ST3GAL3: variants seen among roughly 807,000 people sequenced by gnomAD.
The protein encoded by ST3GAL3 is ST3 beta-galactoside alpha-2,3-sialyltransferase 3.
A neutral mutation model predicts 50.1 loss-of-function variants in ST3GAL3; 21 were observed. The ratio of observed to expected loss-of-function variants is 0.42; its 90% CI spans 0.30 to 0.60. The LOEUF (loss-of-function observed/expected upper bound fraction) is 0.60. Ranked by LOEUF, ST3GAL3 falls within the 20% of genes least tolerant of loss-of-function variation. The pLI, the probability that ST3GAL3 is intolerant of heterozygous loss-of-function variation, is 0.19. For missense variants in ST3GAL3, 353 were observed against 489.4 expected, an observed-to-expected ratio of 0.72 and a Z score of 2.63; for synonymous variants, 183 against 190.0, an observed-to-expected ratio of 0.96 and a Z score of 0.30.
At chr1:43,861,633 C>A (rs923255802) in intron 5 of ST3GAL3, among the ~76,000 whole-genome samples, 1 of 152,110 alleles carries the variant, frequency 6.6e-6, no homozygotes, top group Non-Finnish European at 1.5e-5. Context: ...GTGCCGTAAC[C>A]CCTACATGCC....
chr1:43,748,202 A>G (rs1684603453), intron 2 of ST3GAL3, among the ~76,000 whole-genome samples: 2 of 152,162 alleles, frequency 1.3e-5, no homozygotes, highest in Non-Finnish European at 2.9e-5. Context: ...CTGGAAGCAC[A>G]CAAATAGAAA....
chr1:43,881,735 C>T (rs2075168915), intron 5 of ST3GAL3, among the ~76,000 whole-genome samples: 1 of 152,048 alleles, frequency 6.6e-6, no homozygotes, highest in African/African-American at 2.4e-5. Flanking sequence ...ACGGATGTGG[C>T]CACAGTTCCT....
intron 5 of ST3GAL3, among the ~76,000 whole-genome samples, chr1:43,845,219 G>A (rs1407498400): frequency 6.6e-6 from 1 of 152,114 alleles, no homozygotes; most frequent in African/African-American, 2.4e-5. Context: ...CTGGCCTCCA[G>A]TGATCTACTG....
At chr1:43,905,899 A>C (rs1436422422) in intron 9 of ST3GAL3, among the ~76,000 whole-genome samples, 634 of 37,492 alleles carry the variant, frequency 0.017, no homozygotes, top group Admixed American at 0.021. Flanking sequence ...ACTTTTCTTC[A>C]CCTCCTCCTG....
intron 2 of ST3GAL3, among the ~76,000 whole-genome samples, chr1:43,740,843 A>T (rs1465090300): frequency 6.8e-6 from 1 of 147,486 alleles, no homozygotes; most frequent in Non-Finnish European, 1.5e-5. Flanking sequence ...AGAGAAAGAG[A>T]AGGAGAGAGG....
At chr1:43,873,689 G>A (rs1026634045) in intron 5 of ST3GAL3, among the ~76,000 whole-genome samples, 1 of 152,126 alleles carries the variant, frequency 6.6e-6, no homozygotes, top group Non-Finnish European at 1.5e-5. Context: ...GGAGGCTGAG[G>A]CAGAAGAATC....
At chr1:43,743,503 C>T in intron 2 of ST3GAL3, 1 of 425,476 alleles carries the variant, frequency 2.4e-6, no homozygotes, top group South Asian at 1.7e-5. Context: ...GGTGGTGGGG[C>T]AGATTGGTTC....
intron 3 of ST3GAL3, among the ~76,000 whole-genome samples, chr1:43,799,026 G>C (rs998518345): frequency 1.3e-5 from 2 of 152,184 alleles, no homozygotes; most frequent in African/African-American, 4.8e-5. Flanking sequence ...TGACACAGAC[G>C]ATGTCGAGGA....
chr1:43,925,440 G>A (rs1043223987), intron 11 of ST3GAL3, among the ~76,000 whole-genome samples: 4 of 152,118 alleles, frequency 2.6e-5, no homozygotes, highest in South Asian at 2.1e-4. Flanking sequence ...GGAAAGGACC[G>A]GATGTGATCA....
At chr1:43,721,799 C>G (rs1486944347) in intron 1 of ST3GAL3, among the ~76,000 whole-genome samples, 17 of 152,062 alleles carry the variant, frequency 1.1e-4, no homozygotes, top group Admixed American at 1.1e-3. Context: ...CAGGGTTTCA[C>G]CATGTTGGTC....
intron 2 of ST3GAL3, among the ~76,000 whole-genome samples, chr1:43,785,015 C>T (rs1363452771): frequency 6.6e-6 from 1 of 152,106 alleles, no homozygotes; most frequent in Non-Finnish European, 1.5e-5. Flanking sequence ...TGTTTTTTCT[C>T]CTCAGACTTT....
chr1:43,872,790 G>A (rs992241688), intron 5 of ST3GAL3, among the ~76,000 whole-genome samples: 3 of 152,154 alleles, frequency 2.0e-5, no homozygotes, highest in Admixed American at 6.5e-5. Context: ...GGAAATACTA[G>A]AGAAAAATAA....
At chr1:43,803,386 A>C (rs543270020) in intron 3 of ST3GAL3, among the ~76,000 whole-genome samples, 5 of 152,136 alleles carry the variant, frequency 3.3e-5, no homozygotes, top group African/African-American at 1.2e-4. Flanking sequence ...AAAAAAAAAA[A>C]AGGAATGTGC....
chr1:43,834,802 C>T (rs1172429259), intron 4 of ST3GAL3, among the ~76,000 whole-genome samples: 7 of 152,202 alleles, frequency 4.6e-5, no homozygotes, highest in Non-Finnish European at 1.5e-5. Context: ...CATCCTGATG[C>T]GATTCTTGGA....
chr1:43,751,910 C>T (rs1364759620), intron 2 of ST3GAL3, among the ~76,000 whole-genome samples: 1 of 151,966 alleles, frequency 6.6e-6, no homozygotes, highest in Non-Finnish European at 1.5e-5. Context: ...ACCTCCACCT[C>T]CGGGTTCAAG....
intron 9 of ST3GAL3, among the ~76,000 whole-genome samples, chr1:43,911,688 T>A (rs114606083): frequency 6.7e-6 from 1 of 148,528 alleles, no homozygotes; most frequent in East Asian, 2.0e-4. Flanking sequence ...GATATAGATA[T>A]GGATTTTTTT....
rs1287786613 is a variant in ST3GAL3 at position 43,917,459 on chromosome 1, T to TATATATAATATATAATATATATA, written c.745-2930_745-2908dup. On this transcript the variant is annotated intron_variant, in intron 9 of 11. Transcript: ENST00000347631. ...TGCATATATAATATATAATATATAA[T>TATATATAATATATAATATATATA]ATATATAATATATAATATATATAAT... Among the ~76,000 whole-genome samples, 11 of 21,530 alleles carry TATATATAATATATAATATATATA rather than the reference T, an allele frequency of 5.1e-4. No individual in the cohort carries two copies. In the East Asian group the frequency reaches 5.6e-3, roughly 11 times the overall value. The allele number at this position is 21,530 out of a possible 152,430, so 14.1% of individuals were successfully genotyped here. A position where few individuals can be genotyped will look rare whatever the true frequency, so the allele number is the denominator to read the frequency against.
At chr1:43,759,061 GCGCGCACACACACACACACACA>G in intron 2 of ST3GAL3, among the ~76,000 whole-genome samples, 1 of 76,574 alleles carries the variant, frequency 1.3e-5, no homozygotes, top group African/African-American at 8.6e-5. Context: ...AAACAAAAGC[GCGCGCACACACACACACACACA>G]CACACACACA....
chr1:43,820,398 G>T (rs908018143), intron 4 of ST3GAL3, among the ~76,000 whole-genome samples: 1 of 152,130 alleles, frequency 6.6e-6, no homozygotes, highest in Non-Finnish European at 1.5e-5. Flanking sequence ...CTTTGGCAAA[G>T]AATTTATGGC....
Sources: allele counts gnomAD v4.1 joint callset (sites outside exome capture counted in the v4.1 genomes callset), GRCh38; gene constraint gnomAD v4.1.1; transcripts MANE v1.5; gene names NCBI Gene and HGNC (gene_info 2026-07-23, HGNC 2026-07-21).